KALRN: variants seen among roughly 807,000 people sequenced by gnomAD.
The protein encoded by KALRN is kalirin RhoGEF kinase, also known as kalirin.
KALRN carries 70 observed loss-of-function variants against 353.7 expected under a neutral mutation model. That is an observed-to-expected ratio of 0.20 (90% confidence interval 0.16 to 0.24). The LOEUF (loss-of-function observed/expected upper bound fraction) is 0.24, where lower values mean the gene tolerates loss of function less well. KALRN is among the 10% of genes least tolerant of loss of function. The pLI is 1.00. For missense variants in KALRN, 2,791 were observed against 3,756.7 expected (o/e 0.74, Z 6.72); for synonymous variants, 1,391 against 1,434.8 (o/e 0.97, Z 0.69).
At chr3:124,412,831 G>C (rs1309146873) in intron 13 of KALRN, among the ~76,000 whole-genome samples, 1 of 152,178 alleles carries the variant, frequency 6.6e-6, no homozygotes, top group African/African-American at 2.4e-5. Context: ...GTAATAGAAG[G>C]ACAGAATGTT....
rs75096192 is a variant in KALRN at position 124,521,776 on chromosome 3, C to G, written c.4935+25363C>G. Among the ~76,000 whole-genome samples the G allele has an allele frequency of 2.0e-3, 309 of 152,312 alleles. 1 individual carries two copies. The highest frequency in any genetic ancestry group is 6.8e-3 in the Middle Eastern group (2 of 294). ...GCAAGGCTCCCATGCTGTAGCGACA[C>G]TGACTAATAAGGGTGCTTACAGGTG... On this transcript the variant is annotated intron_variant, in intron 33 of 59. Coordinates refer to ENST00000682506, the MANE Select transcript of KALRN (RefSeq NM_001388419.1).
intron 55 of KALRN, among the ~76,000 whole-genome samples, chr3:124,698,930 A>G (rs1169231253): frequency 6.6e-6 from 1 of 152,198 alleles, no homozygotes; most frequent in East Asian, 1.9e-4. Flanking sequence ...CTAATTGTTA[A>G]TAACACAACT....
chr3:124,410,068 A>T (rs145602956), intron 13 of KALRN: 57 of 377,586 alleles, frequency 1.5e-4, no homozygotes, highest in Non-Finnish European at 2.8e-4. Context: ...AGGAGAGGAG[A>T]TGAAAGAATA....
At chr3:124,129,722 GC>G (rs1273188086) in intron 1 of KALRN, among the ~76,000 whole-genome samples, 1 of 152,180 alleles carries the variant, frequency 6.6e-6, no homozygotes, top group Non-Finnish European at 1.5e-5. Context: ...TATCACCATG[GC>G]CCTATGGGCA....
In KALRN at chr3:124,033,495, T is replaced by C. The variant is rs2039080519; in HGVS notation, c.-246T>C. Among the ~76,000 whole-genome samples, 1 of 151,498 alleles carries C rather than the reference T, an allele frequency of 6.6e-6. No homozygotes were observed. Among genetic ancestry groups the C allele is most frequent in the African/African-American group, 2.4e-5 (1 of 41,276 alleles). On this transcript the variant is annotated 5_prime_UTR_variant, in exon 1 of 60. Coordinates refer to ENST00000682506, the MANE Select transcript of KALRN (RefSeq NM_001388419.1). The surrounding 1 kb of genome is among the most constrained non-coding windows in gnomAD (Gnocchi z 6.2). ...GCCAGACAGCAGGCGGCCAGCGCCCTGGGGAAGGGGTACCATGGGGGAGCT... is the reference window on the plus strand; with the variant it reads ...GCCAGACAGCAGGCGGCCAGCGCCCCGGGGAAGGGGTACCATGGGGGAGCT...
intron 51 of KALRN, among the ~76,000 whole-genome samples, chr3:124,682,408 C>T (rs1215584532): frequency 6.6e-6 from 1 of 152,138 alleles, no homozygotes; most frequent in Non-Finnish European, 1.5e-5. Context: ...CCTGGAACCC[C>T]AGCTGACATA....
intron 33 of KALRN, among the ~76,000 whole-genome samples, chr3:124,557,789 C>T (rs894013174): frequency 1.3e-5 from 2 of 152,110 alleles, no homozygotes; most frequent in African/African-American, 4.8e-5. Context: ...GGGCACAGCT[C>T]CCCCTCTGTC....
At chr3:124,351,755 T>C (rs1255889957) in intron 10 of KALRN, among the ~76,000 whole-genome samples, 5 of 152,244 alleles carry the variant, frequency 3.3e-5, no homozygotes, top group Non-Finnish European at 7.3e-5. Flanking sequence ...TATGTGGCAA[T>C]CCATTATCCT....
chr3:124,058,099 G>A (rs929197611), intron 1 of KALRN, among the ~76,000 whole-genome samples: 3 of 152,180 alleles, frequency 2.0e-5, no homozygotes, highest in Admixed American at 6.5e-5. Flanking sequence ...AGACTCATTC[G>A]CTATTATGAG....
At chr3:124,198,722 A>G (rs1413546661) in intron 1 of KALRN, among the ~76,000 whole-genome samples, 1 of 152,084 alleles carries the variant, frequency 6.6e-6, no homozygotes, top group Non-Finnish European at 1.5e-5. Context: ...TATACATGCA[A>G]TTTACGAAGA....
At chr3:124,101,497 C>T (rs987388178) in intron 1 of KALRN, among the ~76,000 whole-genome samples, 9 of 152,188 alleles carry the variant, frequency 5.9e-5, no homozygotes, top group African/African-American at 1.9e-4. Flanking sequence ...GGGTTTGTCA[C>T]TAAAGTTCAC....
intron 11 of KALRN, among the ~76,000 whole-genome samples, chr3:124,391,934 A>G (rs1006361910): frequency 6.6e-6 from 1 of 152,250 alleles, no homozygotes; most frequent in Non-Finnish European, 1.5e-5. Flanking sequence ...TAGTATCTTG[A>G]AGGACCAAAT....
rs868850386 is a variant in KALRN at position 124,552,269 on chromosome 3, A to T, written c.4936-10574A>T. Among the ~76,000 whole-genome samples, 10 of 152,100 alleles carry T rather than the reference A, an allele frequency of 6.6e-5. No individual in the cohort carries two copies. The South Asian group carries it at 8.3e-4, about 13-fold the overall frequency. ...TGTAAGTCACCCCGCTCCCAGCCAG[A>T]CCCCTTACAGAGGCAGGTTGTTCCC... is the stretch of plus-strand genomic sequence containing the variant. On this transcript the variant is annotated intron_variant, in intron 33 of 59. Coordinates refer to ENST00000682506, the MANE Select transcript of KALRN (RefSeq NM_001388419.1).
At chr3:124,170,126 G>A (rs575249906) in intron 1 of KALRN, among the ~76,000 whole-genome samples, 3 of 152,238 alleles carry the variant, frequency 2.0e-5, no homozygotes, top group East Asian at 1.9e-4. Context: ...CAAATAAGAC[G>A]GGGACCCAGT....
At chr3:124,357,320 C>T (rs1410353273) in intron 10 of KALRN, among the ~76,000 whole-genome samples, 1 of 152,230 alleles carries the variant, frequency 6.6e-6, no homozygotes, top group Admixed American at 6.5e-5. Context: ...AATCTATCCT[C>T]ACGCTGCCAC....
intron 37 of KALRN, among the ~76,000 whole-genome samples, chr3:124,649,700 A>G (rs984942669): frequency 6.6e-6 from 1 of 151,962 alleles, no homozygotes; most frequent in Non-Finnish European, 1.5e-5. Context: ...AGGTGAGAGG[A>G]TTGCTTGAGC....
intron 11 of KALRN, 56 bp from the exon 12 acceptor site, chr3:124,395,079 C>T (rs2089981776): frequency 1.6e-5 from 23 of 1,445,590 alleles, no homozygotes; most frequent in Admixed American, 8.6e-5. Flanking sequence ...TTGCCCTCAC[C>T]CCAGCCCTGG....
chr3:124,718,907 T>G lies in KALRN; in HGVS notation c.8416-18T>G. ...TAAACTTCCCTTCTTTTCTCCCTGC[T>G]TCCTTGGATCTCTGCAGCCTGAAAA... On this transcript the variant is annotated intron_variant, in intron 59 of 59. Coordinates refer to ENST00000682506, the MANE Select transcript of KALRN (RefSeq NM_001388419.1). 1 of 1,609,998 alleles carries G rather than the reference T, an allele frequency of 6.2e-7. No individual in the cohort carries two copies. The highest frequency in any genetic ancestry group is 8.5e-7 in the Non-Finnish European group (1 of 1,176,676).
intron 1 of KALRN, among the ~76,000 whole-genome samples, chr3:124,142,227 T>C (rs1186750442): frequency 2.0e-5 from 3 of 152,078 alleles, no homozygotes; most frequent in African/African-American, 2.4e-5. Flanking sequence ...ATGCCTGAGG[T>C]CCAGAGATGT....
Sources: gnomAD v4.1 joint callset for allele counts (sites outside exome capture counted in the v4.1 genomes callset) on GRCh38, gnomAD v4.1.1 for gene constraint, Gnocchi (gnomAD v3.1) non-coding constraint, MANE v1.5 for transcripts, NCBI Gene and HGNC (gene_info 2026-07-23, HGNC 2026-07-21) for gene names.